NOD1: variants seen among roughly 807,000 people sequenced by gnomAD.
NOD1 encodes nucleotide-binding oligomerization domain-containing protein 1.
Under a neutral mutation model 81.2 loss-of-function variants are expected in NOD1, and 70 were observed. That is an observed-to-expected ratio of 0.86 (90% CI 0.71 to 1.05). The LOEUF is 1.05. Ranked by LOEUF, NOD1 falls within the 50% of genes least tolerant of loss-of-function variation. NOD1 has a pLI of 0.00. For synonymous variants in NOD1, 508 were observed against 526.9 expected (o/e 0.96, Z 0.49); for missense variants, 1,233 against 1,228.0 (o/e 1.00, Z -0.06).
Position 30,424,580 on chromosome 7 carries a change from T to C in NOD1, c.*1058A>G, listed in dbSNP as rs1462182123. On this transcript the variant is annotated 3_prime_UTR_variant, in exon 14 of 14. Transcript: ENST00000222823. ...AATGAGCTGGCAAGAGGACAAGTGA[T>C]CTAGTAGTATCACCCCCACCCTCAT... 1 of 151,942 alleles carries C rather than the reference T, an allele frequency of 6.6e-6. No homozygotes were observed. Among genetic ancestry groups the C allele is most frequent in the African/African-American group, 2.4e-5 (1 of 41,360 alleles). The allele number at this position is 151,942 out of a possible 1,614,324, so 9.4% of individuals were successfully genotyped here.
At chr7:30,429,023 T>G (rs1783711817) in intron 13 of NOD1, among the ~76,000 whole-genome samples, 1 of 152,194 alleles carries the variant, frequency 6.6e-6, no homozygotes. Context: ...CAGTCATCTC[T>G]CAATTGCTGA....
At chr7:30,426,907 A>G (rs1783509004) in intron 13 of NOD1, among the ~76,000 whole-genome samples, 1 of 152,206 alleles carries the variant, frequency 6.6e-6, no homozygotes, top group Non-Finnish European at 1.5e-5. Flanking sequence ...GCTTCCTCAG[A>G]GAGGCCTTCC....
At chr7:30,469,012 T>C in intron 1 of NOD1, 1 of 985,424 alleles carries the variant, frequency 1.0e-6, no homozygotes, top group Non-Finnish European at 1.2e-6. Flanking sequence ...CAAGCACACC[T>C]TACACAGCTT....
At chr7:30,457,487 A>C (rs2128071680) in intron 3 of NOD1, among the ~76,000 whole-genome samples, 1 of 152,242 alleles carries the variant, frequency 6.6e-6, no homozygotes, top group African/African-American at 2.4e-5. Flanking sequence ...TAAAGAAAAA[A>C]AATCATAATT....
chr7:30,472,033 C>G (rs919806676), intron 1 of NOD1, among the ~76,000 whole-genome samples: 4 of 152,210 alleles, frequency 2.6e-5, no homozygotes, highest in African/African-American at 9.6e-5. Context: ...GTTTCACACA[C>G]TAAGACAAGG....
At position 30,446,977 on chromosome 7, in the gene NOD1, T is replaced by A. The variant is rs769344612; in HGVS notation, c.2359A>T (p.Thr787Ser). The A allele has an allele frequency of 6.2e-7, 1 of 1,613,870 alleles. No homozygotes were observed. The highest frequency in any genetic ancestry group is 8.5e-7 in the Non-Finnish European group (1 of 1,179,770). Residue 787 changes from threonine (T) to serine (S), a missense_variant, in exon 8 of 14, where the codon ACG becomes TCG. Coordinates refer to ENST00000222823, the MANE Select transcript of NOD1 (RefSeq NM_006092.4). ...GCCTACCCCACTTACTTAAGATGCG[T>A]GAGGCCTTTGCATTCATCCAGGATT... Reference protein sequence around the residue: ...TKILDECKGLTHLKLGKNKIT... With the variant: ...TKILDECKGLSHLKLGKNKIT...
At chr7:30,469,575 C>T (rs1033491282) in intron 1 of NOD1, among the ~76,000 whole-genome samples, 1 of 152,238 alleles carries the variant, frequency 6.6e-6, no homozygotes, top group African/African-American at 2.4e-5. Flanking sequence ...CCTTTCACAG[C>T]TGCCAAGGCC....
At chr7:30,429,317 GTGGTGGTGAGTAAACAGTCAC>G (rs1783737286) in intron 13 of NOD1, 36 bp downstream of exon 13, 2 of 1,410,730 alleles carry the variant, frequency 1.4e-6, no homozygotes, top group African/African-American at 1.4e-5. Context: ...TGCACAGTCA[GTGGTGGTGAGTAAACAGTCAC>G]TGGTGTTATT....
chr7:30,447,182 T>G, intron 7 of NOD1, 132 bp from the exon 8 acceptor site: 5 of 1,504,710 alleles, frequency 3.3e-6, no homozygotes, highest in Non-Finnish European at 4.5e-6. Context: ...GGCACCAGAG[T>G]TTAGGGCTCT....
intron 1 of NOD1, among the ~76,000 whole-genome samples, chr7:30,462,938 G>A (rs1787277073): frequency 7.6e-6 from 1 of 132,072 alleles, no homozygotes; most frequent in Admixed American, 8.3e-5. Flanking sequence ...GACAGAGTGA[G>A]ACTCCATCTC....
intron 2 of NOD1, among the ~76,000 whole-genome samples, chr7:30,459,447 C>T (rs1195628990): frequency 6.6e-6 from 1 of 152,158 alleles, no homozygotes; most frequent in Non-Finnish European, 1.5e-5. Context: ...TTGAGTCACA[C>T]CTGTCCTTTA....
chr7:30,453,964 C>T (rs1395440159), intron 5 of NOD1, among the ~76,000 whole-genome samples: 1 of 152,218 alleles, frequency 6.6e-6, no homozygotes, highest in Non-Finnish European at 1.5e-5. Flanking sequence ...AAGTAGCTGG[C>T]TAACGGAACC....
intron 1 of NOD1, among the ~76,000 whole-genome samples, chr7:30,468,317 C>T (rs897631556): frequency 4.6e-5 from 7 of 152,052 alleles, no homozygotes; most frequent in African/African-American, 1.7e-4. Context: ...ATTCTGACAC[C>T]GAGTGATGTT....
At chr7:30,448,188 CA>C in intron 7 of NOD1, 109 bp downstream of exon 7, 2 of 912,168 alleles carry the variant, frequency 2.2e-6, no homozygotes, top group Non-Finnish European at 3.6e-6. Flanking sequence ...GCGCTCTTCC[CA>C]GCCCTGGGCC....
chr7:30,463,781 A>G (rs1787403150), intron 1 of NOD1: 1 of 152,504 alleles, frequency 6.6e-6, no homozygotes, highest in South Asian at 2.1e-4. Flanking sequence ...TTCTGTAAGT[A>G]TAAAACAATA....
chr7:30,452,703 C>T lies in NOD1; in HGVS notation c.714G>A (p.Met238Ile), dbSNP rs780905084. 6.2e-7 allele frequency: 1 copy of T among 1,613,966 alleles called. No individual in the cohort carries two copies. The highest frequency in any genetic ancestry group is 8.5e-7 in the Non-Finnish European group (1 of 1,180,040). Residue 238 changes from methionine (M) to isoleucine (I), a missense_variant, in exon 6 of 14, where the codon ATG becomes ATA. Met to Ile is a conservative substitution (Grantham distance 10). Coordinates refer to ENST00000222823, the MANE Select transcript of NOD1 (RefSeq NM_006092.4). The stretch of plus-strand genomic sequence containing the variant: ...TGTCACTTTCCTTGAAGCAGCTGAA[C>T]ATGCGGCAGCGAAAGTGGAAGAAGA... The part of the protein sequence containing the change: ...VKFFFHFRCR[M>I]FSCFKESDRL...
rs745864036 is a variant in NOD1 at position 30,455,170 on chromosome 7, T to C, written c.343A>G (p.Thr115Ala). 1.4e-5 allele frequency: 22 copies of C among 1,613,888 alleles called. No homozygotes were observed. Among genetic ancestry groups the C allele is most frequent in the Non-Finnish European group, 1.9e-5 (22 of 1,180,026 alleles). The change falls in exon 5 of 14, where the codon ACT becomes GCT. Residue 115 changes from threonine (T) to alanine (A), a missense_variant. Coordinates refer to ENST00000222823, the MANE Select transcript of NOD1 (RefSeq NM_006092.4). ...LEIGFSPSLL[T>A]QSKVVVNTDP... is the part of the protein sequence containing the mutation. ...GTGTTGACCACGACTTTGCTCTGAG[T>C]GAGCAGGGAAGGGGAGAAGCCGATC...
At position 30,425,349 on chromosome 7, in the gene NOD1, T is replaced by C. The variant is rs1783354876; in HGVS notation, c.*289A>G. ...TTGCTCACAGCTTTATTCCTCTAGC[T>C]TCAGATAAAAATAATTATAATAGGC... On this transcript the variant is annotated 3_prime_UTR_variant, in exon 14 of 14. Transcript: ENST00000222823. 5.4e-6 allele frequency: 2 copies of C among 369,850 alleles called. No homozygotes were observed. Among genetic ancestry groups the C allele is most frequent in the East Asian group, 1.1e-4 (2 of 19,036 alleles). The allele number at this position is 369,850 out of a possible 1,614,324, so 22.9% of individuals were successfully genotyped here. A position where few individuals can be genotyped will look rare whatever the true frequency, so the allele number is the denominator to read the frequency against.
chr7:30,431,253 G>C (rs10267377), intron 12 of NOD1, among the ~76,000 whole-genome samples: 50,686 of 152,074 alleles, frequency 0.33, 8,870 homozygotes, highest in African/African-American at 0.44. Flanking sequence ...GGCTAAAAAG[G>C]AAAGAAAAAA....
Sources: allele counts gnomAD v4.1 joint callset (sites outside exome capture counted in the v4.1 genomes callset), GRCh38; gene constraint gnomAD v4.1.1; transcripts MANE v1.5; gene names NCBI Gene and HGNC (gene_info 2026-07-23, HGNC 2026-07-21).